Variants in LRRC74A observed in about 807,000 individuals in gnomAD.
LRRC74A encodes leucine-rich repeat-containing protein 74A.
LRRC74A carries 44 observed loss-of-function variants against 57.9 expected under a neutral mutation model. The observed-to-expected ratio is 0.76, with a 90% confidence interval of 0.60 to 0.98. The LOEUF (loss-of-function observed/expected upper bound fraction) is 0.98. Ranked by LOEUF, LRRC74A falls within the 50% of genes least tolerant of loss-of-function variation. The probability of loss-of-function intolerance (pLI) is 0.00; values close to 1 mark genes in which losing one functional copy is unlikely to be tolerated. For missense variants in LRRC74A, 572 were observed against 574.0 expected (o/e 1.00, Z 0.04); for synonymous variants, 211 against 219.4 (o/e 0.96, Z 0.34).
intron 10 of LRRC74A, among the ~76,000 whole-genome samples, chr14:76,857,705 A>G (rs1898010006): frequency 6.6e-6 from 1 of 152,212 alleles, no homozygotes; most frequent in Non-Finnish European, 1.5e-5. Flanking sequence ...ACCAGATGCT[A>G]GAAACTAGGG....
At chr14:76,840,387 T>C (rs1331633074) in intron 5 of LRRC74A, among the ~76,000 whole-genome samples, 3 of 152,204 alleles carry the variant, frequency 2.0e-5, no homozygotes, top group Non-Finnish European at 4.4e-5. Context: ...TAGTACTTGT[T>C]TGTGCATGGA....
chr14:76,865,995 A>G lies in LRRC74A; in HGVS notation c.1228A>G (p.Ile410Val), dbSNP rs771980956. Reference sequence around the variant, plus strand: ...CTATGCAGACCAACACAAAATCACGATCGTGGACTTCTTCAAGAGCTTGAA... The same window carrying G: ...CTATGCAGACCAACACAAAATCACGGTCGTGGACTTCTTCAAGAGCTTGAA... ...QSYADQHKITIVDFFKSLNPT... is the reference protein window; with the variant it reads ...QSYADQHKITVVDFFKSLNPT... The change falls in exon 12 of 14, where the codon ATC becomes GTC. Residue 410 changes from isoleucine (I) to valine (V), a missense_variant. Transcript: ENST00000689127. 6.2e-7 allele frequency: 1 copy of G among 1,600,828 alleles called. No homozygotes were observed. The highest frequency in any genetic ancestry group is 8.5e-7 in the Non-Finnish European group (1 of 1,169,628).
At chr14:76,830,500 C>T (rs1173655491) in intron 2 of LRRC74A, among the ~76,000 whole-genome samples, 2 of 152,342 alleles carry the variant, frequency 1.3e-5, no homozygotes, top group East Asian at 3.9e-4. Flanking sequence ...TTAGCATTGA[C>T]CAACTGTGTG....
At chr14:76,836,547 C>T (rs550201768) in intron 4 of LRRC74A, among the ~76,000 whole-genome samples, 1 of 152,188 alleles carries the variant, frequency 6.6e-6, no homozygotes, top group Non-Finnish European at 1.5e-5. Flanking sequence ...CACCTGCAAT[C>T]CCAGCACTTT....
At chr14:76,829,161 AGG>A in intron 2 of LRRC74A, 1 of 1,289,416 alleles carries the variant, frequency 7.8e-7, no homozygotes. Flanking sequence ...TCCATCTGAC[AGG>A]GTCAGCCTCA....
At position 76,844,891 on chromosome 14, in the gene LRRC74A, C is replaced by T; in HGVS notation, c.666C>T (p.Gly222=). The change falls in exon 7 of 14, where the codon GGC becomes GGT. Residue 222 remains glycine (G), a synonymous_variant. Coordinates refer to ENST00000689127, the MANE Select transcript of LRRC74A (RefSeq NM_001385106.1). ...CTGATGTAGGAGGGGAGCACCTGGG[C>T]CAGATGCTGGGTGAGTCTCCCTGGA... The part of the protein sequence containing the change: ...QFSDVGGEHL[G]QMLAINVGLT... 1 of 1,570,728 alleles carries T rather than the reference C, an allele frequency of 6.4e-7. No homozygotes were observed. The highest frequency in any genetic ancestry group is 8.8e-7 in the Non-Finnish European group (1 of 1,140,776).
chr14:76,849,359 G>A (rs989825571), intron 7 of LRRC74A, among the ~76,000 whole-genome samples: 6 of 151,762 alleles, frequency 4.0e-5, no homozygotes, highest in African/African-American at 1.5e-4. Context: ...TTTTCACCAT[G>A]TTGGCCAGGA....
At chr14:76,853,039 A>C (rs1394165981) in intron 8 of LRRC74A, among the ~76,000 whole-genome samples, 177 bp from the exon 9 acceptor site, 1 of 152,158 alleles carries the variant, frequency 6.6e-6, no homozygotes, top group African/African-American at 2.4e-5. Flanking sequence ...AGGGAGTCTC[A>C]TGAGTACTTG....
At chr14:76,829,302 C>T (rs2140252816) in intron 2 of LRRC74A, 1 of 719,490 alleles carries the variant, frequency 1.4e-6, no homozygotes, top group African/African-American at 1.8e-5. Context: ...CTGTGAAGTT[C>T]ATCTGCATAG....
intron 11 of LRRC74A, among the ~76,000 whole-genome samples, chr14:76,863,150 G>A (rs1246466396): frequency 2.0e-5 from 3 of 150,662 alleles, no homozygotes; most frequent in African/African-American, 7.3e-5. Context: ...TTGGCGAATG[G>A]TTGGATATGT....
At chr14:76,831,824 C>T (rs960914323) in intron 3 of LRRC74A, among the ~76,000 whole-genome samples, 2 of 152,148 alleles carry the variant, frequency 1.3e-5, no homozygotes, top group Non-Finnish European at 2.9e-5. Context: ...TTCATAAAGA[C>T]CACGGTGTAG....
intron 8 of LRRC74A, 98 bp from the exon 9 acceptor site, chr14:76,853,118 C>T (rs1483418771): frequency 1.2e-5 from 14 of 1,159,098 alleles, no homozygotes; most frequent in East Asian, 1.2e-4. Context: ...ACTGAGCACC[C>T]GGTCTGGATG....
chr14:76,850,783 G>A (rs1012420008), intron 7 of LRRC74A, among the ~76,000 whole-genome samples: 9 of 146,508 alleles, frequency 6.1e-5, no homozygotes, highest in Non-Finnish European at 1.2e-4. Context: ...CAGGAGAATC[G>A]CTTGAACCCA....
chr14:76,840,584 CT>C (rs34388699), intron 5 of LRRC74A, among the ~76,000 whole-genome samples: 11,931 of 129,934 alleles, frequency 0.092, 448 homozygotes, highest in African/African-American at 0.11. Context: ...TTATGTATTT[CT>C]TTTTTTTTTT....
intron 11 of LRRC74A, among the ~76,000 whole-genome samples, chr14:76,865,574 C>T (rs1898714181): frequency 2.0e-5 from 3 of 152,172 alleles, no homozygotes; most frequent in Admixed American, 6.5e-5. Flanking sequence ...CACAGCACAC[C>T]ATCTATACCA....
At chr14:76,840,587 T>TA (rs1398798552) in intron 5 of LRRC74A, among the ~76,000 whole-genome samples, 6 of 144,220 alleles carry the variant, frequency 4.2e-5, no homozygotes, top group African/African-American at 1.6e-4. Context: ...TGTATTTCTT[T>TA]TTTTTTTTTT....
chr14:76,834,062 C>G (rs1201175998), intron 3 of LRRC74A, among the ~76,000 whole-genome samples: 1 of 152,184 alleles, frequency 6.6e-6, no homozygotes, highest in East Asian at 1.9e-4. Flanking sequence ...TTGTAGAATA[C>G]ATGGTCTTAT....
chr14:76,828,982 C>A (rs932705651), intron 2 of LRRC74A: 1 of 1,285,754 alleles, frequency 7.8e-7, no homozygotes, highest in African/African-American at 1.5e-5. Context: ...GCTCTGGTTT[C>A]CCCTACTTTT....
intron 13 of LRRC74A, among the ~76,000 whole-genome samples, chr14:76,868,123 C>A (rs1415911840): frequency 1.3e-5 from 2 of 152,230 alleles, no homozygotes; most frequent in Non-Finnish European, 1.5e-5. Flanking sequence ...GCTGCCATCA[C>A]CCCACTTAGC....
Sources: allele counts gnomAD v4.1 joint callset (sites outside exome capture counted in the v4.1 genomes callset), GRCh38; gene constraint gnomAD v4.1.1; transcripts MANE v1.5; gene names NCBI Gene and HGNC (gene_info 2026-07-23, HGNC 2026-07-21).